The following MPRIP variants were observed in gnomAD, a reference collection of about 807,000 sequenced individuals.
MPRIP encodes myosin phosphatase Rho-interacting protein.
In MPRIP, 59 loss-of-function variants were observed where a neutral mutation model predicts 234.9. That is an observed-to-expected ratio of 0.25 (90% CI 0.20 to 0.31). The LOEUF (loss-of-function observed/expected upper bound fraction) is 0.31. Among genes scored for constraint, MPRIP ranks in the 10% least tolerant of loss-of-function variants. The pLI is 1.00. For missense variants in MPRIP, 2,436 were observed against 3,071.0 expected (o/e 0.79, Z 4.89); for synonymous variants, 1,144 against 1,263.9 (o/e 0.91, Z 2.01).
chr17:17,116,385 C>T (rs1170541148), intron 3 of MPRIP, among the ~76,000 whole-genome samples: 1 of 152,314 alleles, frequency 6.6e-6, no homozygotes, highest in African/African-American at 2.4e-5. Flanking sequence ...CCCAGGCCAG[C>T]AAGTAGGTCC....
intron 1 of MPRIP, among the ~76,000 whole-genome samples, chr17:17,046,240 T>C (rs1336083158): frequency 6.6e-6 from 1 of 152,270 alleles, no homozygotes; most frequent in African/African-American, 2.4e-5. Context: ...AGAACCATTT[T>C]GCATATTAGG....
intron 13 of MPRIP, among the ~76,000 whole-genome samples, chr17:17,156,483 C>T (rs1162085758): frequency 1.3e-5 from 2 of 152,214 alleles, no homozygotes; most frequent in Non-Finnish European, 2.9e-5. Context: ...TTTTTTAGTG[C>T]TGCCAGGCAA....
chr17:17,075,121 T>C (rs2089297390), intron 1 of MPRIP, among the ~76,000 whole-genome samples: 1 of 152,172 alleles, frequency 6.6e-6, no homozygotes, highest in Non-Finnish European at 1.5e-5. Context: ...ACTGATTGCA[T>C]TATCTCATCA....
intron 5 of MPRIP, among the ~76,000 whole-genome samples, chr17:17,134,692 C>T (rs1385474685): frequency 6.6e-6 from 1 of 152,222 alleles, no homozygotes; most frequent in East Asian, 1.9e-4. Context: ...AGTGCCCCAC[C>T]ACCCCATGGC....
chr17:17,102,546 G>A (rs1424577538), intron 3 of MPRIP, among the ~76,000 whole-genome samples: 1 of 152,232 alleles, frequency 6.6e-6, no homozygotes, highest in Admixed American at 6.5e-5. Context: ...GAGCAGCCTT[G>A]GCTAAGCCAC....
At chr17:17,154,243 A>G in intron 12 of MPRIP, 63 bp from the exon 13 acceptor site, 1 of 1,427,396 alleles carries the variant, frequency 7.0e-7, no homozygotes. Context: ...GCTTCTTTGG[A>G]GATGGAGGGC....
At chr17:17,067,949 T>C (rs1320358988) in intron 1 of MPRIP, among the ~76,000 whole-genome samples, 3 of 152,022 alleles carry the variant, frequency 2.0e-5, no homozygotes, top group Non-Finnish European at 4.4e-5. Flanking sequence ...TATATAATCA[T>C]TTAAATTATG....
At chr17:17,161,381 C>G (rs1269748005) in intron 15 of MPRIP, 25 bp downstream of exon 15, 2 of 1,492,428 alleles carry the variant, frequency 1.3e-6, no homozygotes, top group Admixed American at 1.9e-5. Context: ...CTGCTGTGGC[C>G]CATGGTGCGC....
chr17:17,177,284 T>A lies in MPRIP; in HGVS notation c.6992T>A (p.Ile2331Asn). 1 of 1,614,020 alleles carries A rather than the reference T, an allele frequency of 6.2e-7. No homozygotes were observed. The highest frequency in any genetic ancestry group is 8.5e-7 in the Non-Finnish European group (1 of 1,180,012). Reference protein sequence around the residue: ...KKYASDKYKDIYTELSIAKAK... With the variant: ...KKYASDKYKDNYTELSIAKAK... ...TACGCAAGTGACAAGTACAAAGACA[T>A]CTACACAGAGCTCAGCATCGCGAAG... The change falls in exon 22 of 24, where the codon ATC becomes AAC. Residue 2331 changes from isoleucine to asparagine, a missense_variant. By Grantham distance (149) the Ile-to-Asn change is moderately radical. This residue lies in a region of MPRIP where 1,998 missense variants were observed against 2,520.3 expected (regional missense o/e 0.79). Transcript: ENST00000651222.
chr17:17,145,587 C>T (rs2045444563), intron 9 of MPRIP, among the ~76,000 whole-genome samples: 1 of 152,242 alleles, frequency 6.6e-6, no homozygotes, highest in Non-Finnish European at 1.5e-5. Flanking sequence ...GCTTCCTCAA[C>T]ACCGCACGTC....
At chr17:17,127,587 A>G (rs567617021) in intron 4 of MPRIP, among the ~76,000 whole-genome samples, 2 of 152,394 alleles carry the variant, frequency 1.3e-5, no homozygotes, top group South Asian at 4.1e-4. Flanking sequence ...TAGTCCGTGC[A>G]GGTGAACAGG....
intron 23 of MPRIP, 51 bp from the exon 24 acceptor site, chr17:17,184,772 A>G (rs746420734): frequency 1.4e-6 from 2 of 1,433,682 alleles, no homozygotes; most frequent in South Asian, 2.3e-5. Flanking sequence ...GGTCCAGTGC[A>G]GGGGGTCTAA....
In MPRIP at chr17:17,177,399, G is replaced by T. The variant is rs748076749; in HGVS notation, c.7107G>T (p.Thr2369=). Residue 2369 remains threonine, a synonymous_variant, in exon 22 of 24, where the codon ACG becomes ACT. Coordinates refer to ENST00000651222, the MANE Select transcript of MPRIP (RefSeq NM_001364716.4). The stretch of plus-strand genomic sequence containing the variant: ...GGGAGAAGTCCCCTGACAGTGCCAC[G>T]GTGTCCGGATATGGTGCGTCCTCGG... ...ALGEKSPDSA[T]VSGYDIMKSK... is the part of the protein sequence containing the mutation. 1.2e-6 allele frequency: 2 copies of T among 1,613,454 alleles called. No homozygotes were observed. Among genetic ancestry groups the T allele is most frequent in the Non-Finnish European group, 1.7e-6 (2 of 1,179,968 alleles).
Position 17,191,488 on chromosome 17 carries a change from G to A in MPRIP, c.*6594G>A, listed in dbSNP as rs2046585401. 6.6e-6 allele frequency: 1 copy of A among 152,168 alleles called. No homozygotes were observed. The highest frequency in any genetic ancestry group is 2.4e-5 in the African/African-American group (1 of 41,442). The allele number at this position is 152,168 out of a possible 1,614,324, so 9.4% of individuals were successfully genotyped here. A position where few individuals can be genotyped will look rare whatever the true frequency, so the allele number is the denominator to read the frequency against. ...TTACAGCACCTATTTTTGTCAGATT[G>A]GTAAGGAAACACTGAGTCACAGAAT... On this transcript the variant is annotated 3_prime_UTR_variant, in exon 24 of 24. Transcript: ENST00000651222.
At chr17:17,069,422 A>G (rs2089138646) in intron 1 of MPRIP, among the ~76,000 whole-genome samples, 1 of 150,596 alleles carries the variant, frequency 6.6e-6, no homozygotes, top group Non-Finnish European at 1.5e-5. Context: ...CATTTAAAAT[A>G]TTTACGGATA....
At chr17:17,093,202 A>T (rs560701355) in intron 3 of MPRIP, among the ~76,000 whole-genome samples, 2 of 152,320 alleles carry the variant, frequency 1.3e-5, no homozygotes, top group Non-Finnish European at 2.9e-5. Context: ...ATTTCCCCCA[A>T]AGTCAAGTGT....
At chr17:17,101,109 G>A (rs77596438) in intron 3 of MPRIP, among the ~76,000 whole-genome samples, 6,792 of 152,276 alleles carry the variant, frequency 0.045, 472 homozygotes, top group African/African-American at 0.14. Context: ...GGAGAAGGCA[G>A]GGGAACCTTC....
chr17:17,077,738 G>A (rs1462417097), intron 2 of MPRIP: 1 of 414,328 alleles, frequency 2.4e-6, no homozygotes, highest in Non-Finnish European at 4.3e-6. Flanking sequence ...TGCTCCTGAG[G>A]AGCTTCCAAG....
At position 17,187,183 on chromosome 17, in the gene MPRIP, T is replaced by C. The variant is rs2046492192; in HGVS notation, c.*2289T>C. On this transcript the variant is annotated 3_prime_UTR_variant, in exon 24 of 24. Transcript: ENST00000651222. Reference sequence around the variant, plus strand: ...CTTTAAATTAAAGCAAGTTTGCCCATAGGACAAAAGAGCATTTGATTCCCT... The same window carrying C: ...CTTTAAATTAAAGCAAGTTTGCCCACAGGACAAAAGAGCATTTGATTCCCT... The C allele has an allele frequency of 6.6e-6, 1 of 152,212 alleles. No individual in the cohort carries two copies. Among genetic ancestry groups the C allele is most frequent in the African/African-American group, 2.4e-5 (1 of 41,438 alleles). The allele number at this position is 152,212 out of a possible 1,614,324, so 9.4% of individuals were successfully genotyped here.
Sources: allele counts gnomAD v4.1 joint callset (sites outside exome capture counted in the v4.1 genomes callset), GRCh38; gene constraint gnomAD v4.1.1; regional missense constraint gnomAD v4.1.1; transcripts MANE v1.5; gene names NCBI Gene and HGNC (gene_info 2026-07-23, HGNC 2026-07-21).